Variants in PAX5 observed in about 807,000 individuals in gnomAD.
PAX5 encodes the protein paired box 5, also known as paired box protein Pax-5.
Under a neutral mutation model 43.7 loss-of-function variants are expected in PAX5, and 9 were observed. The observed-to-expected ratio is 0.21, with a 90% CI of 0.12 to 0.36. The LOEUF (loss-of-function observed/expected upper bound fraction) is 0.36, where lower values mean the gene tolerates loss of function less well. PAX5 is among the 10% of genes least tolerant of loss of function. The pLI is 1.00. For missense variants in PAX5, 383 were observed against 532.7 expected, an observed-to-expected ratio of 0.72 and a Z score of 2.77; for synonymous variants, 228 against 214.3, an observed-to-expected ratio of 1.06 and a Z score of -0.56.
In PAX5 at chr9:36,838,819, G is replaced by A; in HGVS notation, c.*1741C>T. The stretch of plus-strand genomic sequence containing the variant: ...CCTACAGATGACCCTGCTGCACCAA[G>A]GCAGCCAAGGCTCAAAGAGGTGCAG... On this transcript the variant is annotated 3_prime_UTR_variant, in exon 10 of 10. Coordinates refer to ENST00000358127, the MANE Select transcript of PAX5 (RefSeq NM_016734.3). 4.3e-6 allele frequency: 1 copy of A among 233,330 alleles called. No homozygotes were observed. 14.5% of individuals were successfully genotyped at this position (233,330 alleles called of 1,614,324 possible). A position where few individuals can be genotyped will look rare whatever the true frequency, so the allele number is the denominator to read the frequency against.
At chr9:37,025,786 G>T (rs1157991468) in intron 1 of PAX5, among the ~76,000 whole-genome samples, 4 of 152,212 alleles carry the variant, frequency 2.6e-5, no homozygotes, top group Non-Finnish European at 5.9e-5. Context: ...TTTCAGAGGC[G>T]GGGGTGCCTG....
intron 8 of PAX5, among the ~76,000 whole-genome samples, chr9:36,849,649 A>G (rs1453015764): frequency 2.6e-5 from 4 of 152,306 alleles, no homozygotes; most frequent in South Asian, 4.1e-4. Flanking sequence ...GACACCTGCT[A>G]TGTGCCAGGA....
At chr9:36,947,037 G>A (rs1450390957) in intron 6 of PAX5, among the ~76,000 whole-genome samples, 1 of 152,200 alleles carries the variant, frequency 6.6e-6, no homozygotes, top group East Asian at 1.9e-4. Context: ...TATATCACAG[G>A]ATTTCTCCAG....
At chr9:37,011,472 C>T (rs1838926019) in intron 3 of PAX5, among the ~76,000 whole-genome samples, 1 of 152,154 alleles carries the variant, frequency 6.6e-6, no homozygotes, top group Non-Finnish European at 1.5e-5. Flanking sequence ...CACCCCTTGG[C>T]CACGGTGCTG....
chr9:36,932,553 G>A (rs1366771587), intron 6 of PAX5, among the ~76,000 whole-genome samples: 1 of 152,130 alleles, frequency 6.6e-6, no homozygotes, highest in Non-Finnish European at 1.5e-5. Flanking sequence ...ATCCATGATT[G>A]GCTGGAGATG....
intron 5 of PAX5, among the ~76,000 whole-genome samples, chr9:36,981,354 T>A (rs1835916368): frequency 7.0e-6 from 1 of 142,604 alleles, no homozygotes; most frequent in Non-Finnish European, 1.5e-5. Flanking sequence ...CATTGCTGTG[T>A]CCCCAGCAAC....
intron 6 of PAX5, among the ~76,000 whole-genome samples, chr9:36,953,618 A>T (rs7873165): frequency 6.6e-6 from 1 of 151,710 alleles, no homozygotes; most frequent in Non-Finnish European, 1.5e-5. Flanking sequence ...TCTAGTGATG[A>T]GCCCAGCAAA....
intron 9 of PAX5, 33 bp from the exon 10 acceptor site, chr9:36,840,669 A>G: frequency 7.0e-7 from 1 of 1,430,176 alleles, no homozygotes. Flanking sequence ...CCGAGGTCAG[A>G]TCCGGGGTCC....
At chr9:36,891,569 G>A (rs555046277) in intron 7 of PAX5, among the ~76,000 whole-genome samples, 4 of 152,308 alleles carry the variant, frequency 2.6e-5, no homozygotes, top group South Asian at 2.1e-4. Context: ...TATTTCACCC[G>A]GAGGGGAAGG....
At chr9:36,957,793 C>T (rs1280156718) in intron 6 of PAX5, among the ~76,000 whole-genome samples, 5 of 152,176 alleles carry the variant, frequency 3.3e-5, no homozygotes, top group Non-Finnish European at 7.4e-5. Context: ...CTTCTCCCTC[C>T]TTCAAGTCCC....
intron 7 of PAX5, among the ~76,000 whole-genome samples, chr9:36,922,438 C>A (rs1007076732): frequency 6.6e-6 from 1 of 152,190 alleles, no homozygotes; most frequent in Non-Finnish European, 1.5e-5. Context: ...CCCGGTTGGA[C>A]AACCAAGAGC....
At chr9:36,970,714 C>T (rs1834861816) in intron 5 of PAX5, among the ~76,000 whole-genome samples, 1 of 152,152 alleles carries the variant, frequency 6.6e-6, no homozygotes, top group Non-Finnish European at 1.5e-5. Flanking sequence ...GAAACCATCT[C>T]CCATGGACAC....
chr9:36,891,974 T>A (rs991741491), intron 7 of PAX5, among the ~76,000 whole-genome samples: 1 of 152,202 alleles, frequency 6.6e-6, no homozygotes, highest in Non-Finnish European at 1.5e-5. Flanking sequence ...CAATACTGTG[T>A]TTCAATTTTG....
At chr9:37,027,954 C>T (rs1253293541) in intron 1 of PAX5, among the ~76,000 whole-genome samples, 2 of 152,196 alleles carry the variant, frequency 1.3e-5, no homozygotes, top group African/African-American at 4.8e-5. Flanking sequence ...TAGTGGATCG[C>T]GGCTGTGGGG....
chr9:36,974,451 T>A (rs1037222523), intron 5 of PAX5, among the ~76,000 whole-genome samples: 2 of 152,176 alleles, frequency 1.3e-5, no homozygotes, highest in African/African-American at 4.8e-5. Flanking sequence ...CTATGAAGTA[T>A]GTATTCTTAT....
At chr9:36,944,131 C>G (rs1441380639) in intron 6 of PAX5, among the ~76,000 whole-genome samples, 5 of 152,192 alleles carry the variant, frequency 3.3e-5, no homozygotes, top group African/African-American at 1.2e-4. Context: ...TTACAGTGAA[C>G]TATGATTGCA....
At chr9:36,996,423 CTGTGCCTTTGA>C (rs1837403439) in intron 5 of PAX5, among the ~76,000 whole-genome samples, 1 of 152,244 alleles carries the variant, frequency 6.6e-6, no homozygotes, top group Admixed American at 6.5e-5. Flanking sequence ...GCCCATGAGC[CTGTGCCTTTGA>C]CTCAACACCT....
At chr9:36,961,011 T>C (rs369722855) in intron 6 of PAX5, among the ~76,000 whole-genome samples, 3 of 152,068 alleles carry the variant, frequency 2.0e-5, no homozygotes, top group African/African-American at 7.2e-5. Flanking sequence ...CCTCCTCTCC[T>C]CCTCATGGTG....
At chr9:36,928,797 G>A (rs1321745222) in intron 6 of PAX5, among the ~76,000 whole-genome samples, 1 of 151,844 alleles carries the variant, frequency 6.6e-6, no homozygotes, top group Non-Finnish European at 1.5e-5. Flanking sequence ...ACTTTTACGA[G>A]GCAAAAAAAG....
Sources: gnomAD v4.1 joint callset for allele counts (sites outside exome capture counted in the v4.1 genomes callset) on GRCh38, gnomAD v4.1.1 for gene constraint, MANE v1.5 for transcripts, NCBI Gene and HGNC (gene_info 2026-07-23, HGNC 2026-07-21) for gene names.